Variants in MACROD2 observed in about 807,000 individuals in gnomAD.
MACROD2 encodes mono-ADP ribosylhydrolase 2, also known as ADP-ribose glycohydrolase MACROD2.
In MACROD2, 36 loss-of-function variants were observed where a neutral mutation model predicts 70.4. The ratio of observed to expected loss-of-function variants is 0.51; its 90% CI spans 0.39 to 0.68. The LOEUF (loss-of-function observed/expected upper bound fraction) is 0.68. MACROD2 is among the 30% of genes least tolerant of loss of function. The pLI is 0.00. For missense variants in MACROD2, 496 were observed against 538.4 expected (o/e 0.92, Z 0.78); for synonymous variants, 172 against 178.8 (o/e 0.96, Z 0.30).
At chr20:14,058,236 A>G (rs534074115) in intron 2 of MACROD2, among the ~76,000 whole-genome samples, 2 of 152,268 alleles carry the variant, frequency 1.3e-5, no homozygotes, top group South Asian at 4.1e-4. Flanking sequence ...AATTACGGTA[A>G]GCAAAAAATA....
At chr20:15,028,950 C>T (rs531321986) in intron 5 of MACROD2, among the ~76,000 whole-genome samples, 9 of 152,272 alleles carry the variant, frequency 5.9e-5, no homozygotes, top group South Asian at 2.1e-4. Flanking sequence ...TAGGGAGCTA[C>T]GGATGTCACA....
chr20:14,660,798 G>A (rs1320344573), intron 4 of MACROD2, among the ~76,000 whole-genome samples: 1 of 151,998 alleles, frequency 6.6e-6, no homozygotes, highest in African/African-American at 2.4e-5. Context: ...GAGAACGTGC[G>A]ATTTTTGGTT....
chr20:15,413,718 A>G (rs756210393), intron 6 of MACROD2, among the ~76,000 whole-genome samples: 1 of 152,232 alleles, frequency 6.6e-6, no homozygotes, highest in Non-Finnish European at 1.5e-5. Flanking sequence ...TTTAAAGTTC[A>G]TAATGGTCTA....
At chr20:14,075,620 C>T (rs2148663414) in intron 2 of MACROD2, among the ~76,000 whole-genome samples, 1 of 152,280 alleles carries the variant, frequency 6.6e-6, no homozygotes, top group African/African-American at 2.4e-5. Context: ...TCTTTGATTT[C>T]CCCTTTAATT....
intron 7 of MACROD2, among the ~76,000 whole-genome samples, chr20:15,466,262 T>G (rs924057430): frequency 6.6e-6 from 1 of 152,240 alleles, no homozygotes; most frequent in African/African-American, 2.4e-5. Context: ...TTTGATCTAT[T>G]TAGCTCATTG....
intron 6 of MACROD2, among the ~76,000 whole-genome samples, chr20:15,368,891 G>T (rs1364248166): frequency 6.6e-6 from 1 of 152,142 alleles, no homozygotes; most frequent in Non-Finnish European, 1.5e-5. Context: ...ATTTCTTGTG[G>T]CTAGACCATG....
At chr20:15,050,803 A>G (rs1661636242) in intron 5 of MACROD2, among the ~76,000 whole-genome samples, 1 of 152,026 alleles carries the variant, frequency 6.6e-6, no homozygotes. Context: ...TATGTGAAAA[A>G]AAAAAAAATT....
intron 5 of MACROD2, among the ~76,000 whole-genome samples, chr20:15,224,493 T>G (rs1367823977): frequency 6.6e-6 from 1 of 152,238 alleles, no homozygotes; most frequent in East Asian, 1.9e-4. Context: ...TCTCTGACTT[T>G]GGGCACATTA....
intron 5 of MACROD2, among the ~76,000 whole-genome samples, chr20:15,140,734 C>T (rs1004838554): frequency 1.3e-5 from 2 of 152,108 alleles, no homozygotes; most frequent in South Asian, 2.1e-4. Flanking sequence ...TGCTGAAGAA[C>T]AGGAATCTGC....
intron 4 of MACROD2, among the ~76,000 whole-genome samples, chr20:14,507,045 A>G (rs1313854069): frequency 6.6e-6 from 1 of 152,212 alleles, no homozygotes; most frequent in Non-Finnish European, 1.5e-5. Context: ...ATAAACAGGA[A>G]TCTGTGACTA....
chr20:15,670,708 C>T (rs781383750), intron 8 of MACROD2, among the ~76,000 whole-genome samples: 15 of 152,152 alleles, frequency 9.9e-5, no homozygotes, highest in Non-Finnish European at 1.9e-4. Context: ...ACCTCAAATT[C>T]AGTCCTCTGT....
At chr20:15,057,738 A>ATTCCCGATCCATTATATCAATTTCTTCCC (rs1250773730) in intron 5 of MACROD2, among the ~76,000 whole-genome samples, 2 of 152,196 alleles carry the variant, frequency 1.3e-5, no homozygotes, top group Non-Finnish European at 2.9e-5. Context: ...ATTAACTGCC[A>ATTCCCGATCCATTATATCAATTTCTTCCC]TTCCCGATCC....
intron 6 of MACROD2, among the ~76,000 whole-genome samples, chr20:15,314,403 C>A (rs1247444750): frequency 6.6e-6 from 1 of 152,060 alleles, no homozygotes; most frequent in Admixed American, 6.5e-5. Context: ...TCAACCTGGG[C>A]AACATGGCAA....
At chr20:15,585,127 C>G (rs759974699) in intron 8 of MACROD2, among the ~76,000 whole-genome samples, 2 of 152,084 alleles carry the variant, frequency 1.3e-5, no homozygotes, top group South Asian at 2.1e-4. Context: ...CCCCTTTGAT[C>G]TCTCCGTGTG....
chr20:14,526,120 G>A (rs6079476), intron 4 of MACROD2, among the ~76,000 whole-genome samples: 124,731 of 152,202 alleles, frequency 0.82, 51,518 homozygotes, highest in East Asian at 1. Context: ...GGAGAGCGCA[G>A]TGCAAGTCAC....
At chr20:14,993,610 C>T (rs2074925094) in intron 5 of MACROD2, among the ~76,000 whole-genome samples, 1 of 151,776 alleles carries the variant, frequency 6.6e-6, no homozygotes, top group African/African-American at 2.4e-5. Context: ...TCATGCTGCC[C>T]AGATAATAGA....
intron 7 of MACROD2, among the ~76,000 whole-genome samples, chr20:15,435,720 G>T (rs769964153): frequency 1.3e-5 from 2 of 152,122 alleles, no homozygotes; most frequent in Admixed American, 6.6e-5. Flanking sequence ...ATCTAGAGTG[G>T]ATCATGGTCC....
intron 4 of MACROD2, among the ~76,000 whole-genome samples, chr20:14,613,085 A>C (rs1983268885): frequency 6.6e-6 from 1 of 152,104 alleles, no homozygotes. Flanking sequence ...TCATTCCAAA[A>C]CATTAATTTT....
intron 6 of MACROD2, among the ~76,000 whole-genome samples, chr20:15,350,565 G>T (rs2078216956): frequency 6.6e-6 from 1 of 152,124 alleles, no homozygotes; most frequent in Non-Finnish European, 1.5e-5. Context: ...TGTCATATGG[G>T]ATCACGTATT....
Sources: gnomAD v4.1 joint callset for allele counts (sites outside exome capture counted in the v4.1 genomes callset) on GRCh38, gnomAD v4.1.1 for gene constraint, MANE v1.5 for transcripts, NCBI Gene and HGNC (gene_info 2026-07-23, HGNC 2026-07-21) for gene names.